The following CNTNAP3B variants were observed in gnomAD, a reference collection of about 807,000 sequenced individuals.
CNTNAP3B encodes the protein contactin-associated protein-like 3B.
A neutral mutation model predicts 108.9 loss-of-function variants in CNTNAP3B; 25 were observed. That is an observed-to-expected ratio of 0.23 (90% CI 0.17 to 0.32). The LOEUF is 0.32. Among genes scored for constraint, CNTNAP3B ranks in the 10% least tolerant of loss-of-function variants. The probability of loss-of-function intolerance (pLI) is 1.00; values close to 1 mark genes in which losing one functional copy is unlikely to be tolerated. For synonymous variants in CNTNAP3B, 103 were observed against 473.4 expected, an observed-to-expected ratio of 0.22 and a Z score of 10.16; for missense variants, 252 against 1,210.4, an observed-to-expected ratio of 0.21 and a Z score of 11.75.
chr9:42,117,459 G>A (rs1439277267), intron 1 of CNTNAP3B, among the ~76,000 whole-genome samples: 1 of 140,404 alleles, frequency 7.1e-6, no homozygotes. Flanking sequence ...CAGAAATAAA[G>A]ATGTTCTTTG....
At position 42,109,356 on chromosome 9, in the gene CNTNAP3B, C is replaced by A. The variant is rs28525413; in HGVS notation, c.86-4617G>T. 2.3e-4 allele frequency among the ~76,000 whole-genome samples: 34 copies of A among 146,182 alleles called. 1 individual carries two copies. The highest frequency in any genetic ancestry group is 8.9e-4 in the African/African-American group (34 of 38,094). On this transcript the variant is annotated intron_variant, in intron 1 of 23. Coordinates refer to ENST00000377561, the MANE Select transcript of CNTNAP3B (RefSeq NM_001201380.3). ...GAGCAAACACTACTAGGGAGAGATG[C>A]GTATAAAAGTGCTTCTGGAAAAGAT...
rs551208783 is a variant in CNTNAP3B at position 41,991,134 on chromosome 9, G to A, written c.1333+476C>T. 4.9e-4 allele frequency among the ~76,000 whole-genome samples: 62 copies of A among 125,282 alleles called. 13 individuals are homozygous for A. The highest frequency in any genetic ancestry group is 1.9e-3 in the African/African-American group (58 of 31,026). 82.2% of individuals were successfully genotyped at this position (125,282 alleles called of 152,430 possible). ...GAAAACGAATCAGCCATCAACGAAA[G>A]AATAAGAACTCTTGGTATTTGCCGG... On this transcript the variant is annotated intron_variant, in intron 8 of 23. Transcript: ENST00000377561.
chr9:42,071,987 T>C (rs1375264248), intron 3 of CNTNAP3B, among the ~76,000 whole-genome samples: 1 of 146,762 alleles, frequency 6.8e-6, no homozygotes, highest in Non-Finnish European at 1.5e-5. Context: ...CGAAAGGAAA[T>C]GGAGTCTGGT....
intron 3 of CNTNAP3B, among the ~76,000 whole-genome samples, chr9:42,029,229 AG>A (rs1328867812): frequency 9.2e-6 from 1 of 108,824 alleles, no homozygotes; most frequent in East Asian, 3.8e-4. Context: ...TGACTCCCAA[AG>A]GGATAGAAAT....
chr9:41,958,939 G>A (rs1485065292), intron 12 of CNTNAP3B, among the ~76,000 whole-genome samples: 1 of 139,644 alleles, frequency 7.2e-6, no homozygotes, highest in East Asian at 2.0e-4. Context: ...TTCTCTGTCT[G>A]GGTCTTCCTG....
In CNTNAP3B at chr9:41,986,284, T is replaced by C; in HGVS notation, c.1361A>G (p.His454Arg). 2.7e-6 allele frequency: 3 copies of C among 1,094,934 alleles called. 1 individual carries two copies. The highest frequency in any genetic ancestry group is 3.7e-6 in the Non-Finnish European group (3 of 816,158). The allele number at this position is 1,094,934 out of a possible 1,614,324, so 67.8% of individuals were successfully genotyped here. Reference protein sequence around the residue: ...AGAGLNDGQWHSVSFSAKWSH... With the variant: ...AGAGLNDGQWRSVSFSAKWSH... ...CCACTTGGCAGAGAAGGATACAGAGTGCCACTGCCCATCGTTTAATCCAGC... is the reference window on the plus strand; with the variant it reads ...CCACTTGGCAGAGAAGGATACAGAGCGCCACTGCCCATCGTTTAATCCAGC... The change falls in exon 9 of 24, where the codon CAC (histidine) becomes CGC (arginine). Residue 454 changes from histidine (H) to arginine (R), a missense_variant. Physicochemically the swap from His to Arg is conservative, Grantham distance 29. Transcript: ENST00000377561.
intron 12 of CNTNAP3B, among the ~76,000 whole-genome samples, chr9:41,958,455 TG>T (rs1824945875): frequency 6.6e-6 from 1 of 152,014 alleles, no homozygotes; most frequent in Non-Finnish European, 1.5e-5. Context: ...GATAACCAGA[TG>T]TGATGTACCA....
intron 15 of CNTNAP3B, among the ~76,000 whole-genome samples, chr9:41,925,963 T>C (rs1823807305): frequency 6.6e-6 from 1 of 152,290 alleles, no homozygotes; most frequent in African/African-American, 2.4e-5. Flanking sequence ...TACTAGGGTG[T>C]CATTGCTTCT....
chr9:42,019,760 CAAAA>C (rs71251465), intron 3 of CNTNAP3B, among the ~76,000 whole-genome samples: 5 of 77,280 alleles, frequency 6.5e-5, no homozygotes, highest in Non-Finnish European at 7.3e-5. Context: ...GACTCTATCT[CAAAA>C]AAAAAAAAAA....
chr9:41,924,319 G>T (rs1157818559), intron 15 of CNTNAP3B, among the ~76,000 whole-genome samples: 16 of 152,276 alleles, frequency 1.1e-4, no homozygotes, highest in Admixed American at 7.9e-4. Flanking sequence ...AAACAAAAGC[G>T]AAGCAAAAGC....
Position 41,973,733 on chromosome 9 carries a change from T to C in CNTNAP3B, c.1478-3488A>G, listed in dbSNP as rs1825473296. On this transcript the variant is annotated intron_variant, in intron 9 of 23. Coordinates refer to ENST00000377561, the MANE Select transcript of CNTNAP3B (RefSeq NM_001201380.3). ...ATGCACAACCTGCAACCGTACAGAG[T>C]GCTGCTTGAAAAACACTTCAAAAAG... Among the ~76,000 whole-genome samples the C allele has an allele frequency of 1.4e-5, 2 of 139,160 alleles. 1 individual carries two copies. Among genetic ancestry groups the C allele is most frequent in the South Asian group, 4.7e-4 (2 of 4,300 alleles). 91.3% of individuals were successfully genotyped at this position (139,160 alleles called of 152,430 possible).
chr9:41,951,866 C>G (rs1167046400), intron 13 of CNTNAP3B, among the ~76,000 whole-genome samples: 1 of 152,226 alleles, frequency 6.6e-6, no homozygotes, highest in Admixed American at 6.5e-5. Context: ...CACCTGAGGT[C>G]AGGAGTTCAA....
intron 13 of CNTNAP3B, among the ~76,000 whole-genome samples, chr9:41,944,454 G>T (rs1478294367): frequency 6.6e-6 from 1 of 152,230 alleles, no homozygotes; most frequent in Non-Finnish European, 1.5e-5. Flanking sequence ...CACCATTAAT[G>T]AAGTGGAATA....
In CNTNAP3B at chr9:42,123,678, C is replaced by A. The variant is rs1828509381; in HGVS notation, c.85+5332G>T. Among the ~76,000 whole-genome samples, 4 of 138,160 alleles carry A rather than the reference C, an allele frequency of 2.9e-5. 1 individual carries two copies. In the Admixed American group the frequency reaches 2.9e-4, roughly 10 times the overall value. The allele number at this position is 138,160 out of a possible 152,430, so 90.6% of individuals were successfully genotyped here. ...ATGTATATATATCATTTTCCTAACT[C>A]TACATTTGCCTGAGAAGCAATGACA... On this transcript the variant is annotated intron_variant, in intron 1 of 23. Transcript: ENST00000377561.
rs1378350518 is a variant in CNTNAP3B at position 42,115,881 on chromosome 9, GAGA to G, written c.86-11145_86-11143del. Among the ~76,000 whole-genome samples the G allele has an allele frequency of 2.9e-4, 36 of 125,710 alleles. 5 individuals carry two copies. The highest frequency in any genetic ancestry group is 1.2e-3 in the African/African-American group (36 of 30,310). 82.5% of individuals were successfully genotyped at this position (125,710 alleles called of 152,430 possible). ...ATGGAGAATGACTTTGACGAGTTGAGAGAAGAAGGTTTCAGATGATCGGTAATA... is the reference window on the plus strand; with the variant it reads ...ATGGAGAATGACTTTGACGAGTTGAGAGAAGGTTTCAGATGATCGGTAATA... On this transcript the variant is annotated intron_variant, in intron 1 of 23. Coordinates refer to ENST00000377561, the MANE Select transcript of CNTNAP3B (RefSeq NM_001201380.3).
chr9:41,937,883 A>G (rs1824206354), intron 14 of CNTNAP3B, among the ~76,000 whole-genome samples: 1 of 152,102 alleles, frequency 6.6e-6, no homozygotes. Flanking sequence ...TCAATTTAAG[A>G]CAAAGATTTG....
In CNTNAP3B at chr9:42,121,247, A is replaced by G. The variant is rs981327275; in HGVS notation, c.85+7763T>C. On this transcript the variant is annotated intron_variant, in intron 1 of 23. Coordinates refer to ENST00000377561, the MANE Select transcript of CNTNAP3B (RefSeq NM_001201380.3). ...GAGTTCACGCCCCAGTTGCTCACAG[A>G]AGTGACCAGCTCAATGACACCCCCT... Among the ~76,000 whole-genome samples the G allele has an allele frequency of 3.6e-5, 5 of 138,744 alleles. 1 individual carries two copies. The highest frequency in any genetic ancestry group is 1.1e-4 in the African/African-American group (4 of 34,850). 91.0% of individuals were successfully genotyped at this position (138,744 alleles called of 152,430 possible). A position where few individuals can be genotyped will look rare whatever the true frequency, so the allele number is the denominator to read the frequency against.
chr9:42,123,333 C>A (rs1245357278), intron 1 of CNTNAP3B, among the ~76,000 whole-genome samples: 1 of 76,976 alleles, frequency 1.3e-5, no homozygotes, highest in Non-Finnish European at 2.7e-5. Flanking sequence ...AATTTAAACT[C>A]TATTAGCTTG....
In CNTNAP3B at chr9:42,123,993, G is replaced by A. The variant is rs1448757298; in HGVS notation, c.85+5017C>T. Among the ~76,000 whole-genome samples the A allele has an allele frequency of 1.5e-5, 2 of 129,344 alleles. 1 individual carries two copies. The highest frequency in any genetic ancestry group is 6.4e-5 in the African/African-American group (2 of 31,460). The allele number at this position is 129,344 out of a possible 152,430, so 84.9% of individuals were successfully genotyped here. On this transcript the variant is annotated intron_variant, in intron 1 of 23. Transcript: ENST00000377561. ...CTCTGTTTTTATACTCTCAAAAAAT[G>A]TGATTATACTTAATCAAAAGTAATT... is the stretch of plus-strand genomic sequence containing the variant.
Sources: allele counts gnomAD v4.1 joint callset (sites outside exome capture counted in the v4.1 genomes callset), GRCh38; gene constraint gnomAD v4.1.1; transcripts MANE v1.5; gene names NCBI Gene and HGNC (gene_info 2026-07-23, HGNC 2026-07-21).